Variants in WASF2 observed in about 807,000 individuals in gnomAD.
The protein encoded by WASF2 is WASP family member 2, also known as actin-binding protein WASF2.
WASF2 carries 14 observed loss-of-function variants against 45.0 expected under a neutral mutation model. The observed-to-expected ratio is 0.31, with a 90% CI of 0.21 to 0.49. The LOEUF (loss-of-function observed/expected upper bound fraction) is 0.49, where lower values mean the gene tolerates loss of function less well. WASF2 is among the 20% of genes least tolerant of loss of function. The pLI is 0.99. For synonymous variants in WASF2, 200 were observed against 236.3 expected (o/e 0.85, Z 1.41); for missense variants, 439 against 636.1 (o/e 0.69, Z 3.33).
chr1:27,464,509 A>C (rs1191053347), intron 1 of WASF2, among the ~76,000 whole-genome samples: 1 of 152,132 alleles, frequency 6.6e-6, no homozygotes, highest in Non-Finnish European at 1.5e-5. Context: ...CCCAATTTTA[A>C]CTACCTAATT....
intron 1 of WASF2, among the ~76,000 whole-genome samples, chr1:27,447,873 C>G (rs1234621384): frequency 6.6e-6 from 1 of 152,166 alleles, no homozygotes; most frequent in East Asian, 1.9e-4. Context: ...TAGGCCAGCC[C>G]TTGAAAGTTA....
intron 1 of WASF2, among the ~76,000 whole-genome samples, chr1:27,487,513 ATAT>A (rs1461791136): frequency 6.3e-4 from 71 of 112,620 alleles, no homozygotes; most frequent in African/African-American, 2.3e-3. Context: ...AATATATGTT[ATAT>A]TATATATATT....
intron 1 of WASF2, among the ~76,000 whole-genome samples, chr1:27,450,790 C>T (rs1387416714): frequency 6.6e-6 from 1 of 151,948 alleles, no homozygotes; most frequent in Non-Finnish European, 1.5e-5. Context: ...TGAGCCATCG[C>T]ACCCAGCCTC....
At chr1:27,466,896 G>T (rs1010538314) in intron 1 of WASF2, among the ~76,000 whole-genome samples, 1 of 151,972 alleles carries the variant, frequency 6.6e-6, no homozygotes, top group Non-Finnish European at 1.5e-5. Context: ...TTGATTATAT[G>T]TCATTATATT....
chr1:27,477,927 A>G (rs369295465), intron 1 of WASF2, among the ~76,000 whole-genome samples: 1 of 149,582 alleles, frequency 6.7e-6, no homozygotes, highest in Non-Finnish European at 1.5e-5. Context: ...AATAAAAAAA[A>G]AAATAAAAAT....
intron 1 of WASF2, among the ~76,000 whole-genome samples, chr1:27,454,188 T>TATATA (rs1491526938): frequency 8.3e-5 from 1 of 12,040 alleles, no homozygotes; most frequent in African/African-American, 2.3e-4. Context: ...TATATATATA[T>TATATA]TTTTTTTTTT....
rs2016661227 is a variant in WASF2 at position 27,405,653 on chromosome 1, C to G, written c.*2536G>C. The G allele has an allele frequency of 7.4e-6, 1 of 134,998 alleles. No individual in the cohort carries two copies. Among genetic ancestry groups the G allele is most frequent in the Admixed American group, 7.5e-5 (1 of 13,258 alleles). 8.4% of individuals were successfully genotyped at this position (134,998 alleles called of 1,614,324 possible). On this transcript the variant is annotated 3_prime_UTR_variant, in exon 9 of 9. Coordinates refer to ENST00000618852, the MANE Select transcript of WASF2 (RefSeq NM_006990.5). ...TTTTGGTGCATATGCATAAGTGGAG[C>G]CCAGAGGGCCTCTCGGCTCACTGGG...
intron 1 of WASF2, among the ~76,000 whole-genome samples, chr1:27,443,067 G>A (rs1183075353): frequency 6.6e-6 from 1 of 151,314 alleles, no homozygotes; most frequent in East Asian, 1.9e-4. Context: ...TAGAGGCCGA[G>A]ATGGGGGGAT....
At chr1:27,433,883 G>C (rs779783657) in intron 1 of WASF2, among the ~76,000 whole-genome samples, 3 of 152,230 alleles carry the variant, frequency 2.0e-5, no homozygotes, top group Non-Finnish European at 4.4e-5. Context: ...TGAAGTGGTG[G>C]TTCTTGGTCA....
At chr1:27,465,779 A>C (rs771160168) in intron 1 of WASF2, among the ~76,000 whole-genome samples, 35 of 152,328 alleles carry the variant, frequency 2.3e-4, no homozygotes, top group Non-Finnish European at 3.7e-4. Flanking sequence ...GAGGGAGCTA[A>C]TAATGTGGTC....
intron 8 of WASF2, among the ~76,000 whole-genome samples, chr1:27,408,674 G>A (rs1027089120): frequency 1.1e-4 from 16 of 152,056 alleles, no homozygotes; most frequent in Non-Finnish European, 2.4e-4. Context: ...CAATTATAAT[G>A]GGGCTCAGCT....
chr1:27,472,876 G>A (rs2017710417), intron 1 of WASF2, among the ~76,000 whole-genome samples: 1 of 150,178 alleles, frequency 6.7e-6, no homozygotes, highest in Non-Finnish European at 1.5e-5. Flanking sequence ...GGAGGCTGAG[G>A]TGGGAGGATC....
chr1:27,467,718 C>G (rs1033074267), intron 1 of WASF2, among the ~76,000 whole-genome samples: 1 of 151,406 alleles, frequency 6.6e-6, no homozygotes, highest in African/African-American at 2.4e-5. Context: ...GGAGACCAGC[C>G]TGGCTGACAC....
chr1:27,435,122 T>C (rs763244441), intron 1 of WASF2, among the ~76,000 whole-genome samples: 4 of 152,100 alleles, frequency 2.6e-5, no homozygotes, highest in Non-Finnish European at 5.9e-5. Flanking sequence ...AATTTTTGTA[T>C]TTTTAGTAGA....
rs1347788055 is a variant in WASF2 at position 27,410,961 on chromosome 1, C to T, written c.825-755G>A. 6.6e-6 allele frequency among the ~76,000 whole-genome samples: 1 copy of T among 152,174 alleles called. No individual in the cohort carries two copies. The highest frequency in any genetic ancestry group is 1.9e-4 in the East Asian group (1 of 5,206). On this transcript the variant is annotated intron_variant, in intron 7 of 8. Transcript: ENST00000618852. This position sits in a 1 kb window ranked among gnomAD's most constrained non-coding sequence, Gnocchi z 4.2. ...TGTGAAGCTGAAGGTTTTCTTTTTCCACCTTTGTATCTACCCTGCACTAAC... is the reference window on the plus strand; with the variant it reads ...TGTGAAGCTGAAGGTTTTCTTTTTCTACCTTTGTATCTACCCTGCACTAAC...
At chr1:27,409,452 A>AAAAAAG (rs1557594400) in intron 8 of WASF2, among the ~76,000 whole-genome samples, 1 of 146,358 alleles carries the variant, frequency 6.8e-6, no homozygotes, top group African/African-American at 2.7e-5. Context: ...AAAAAAAAAA[A>AAAAAAG]AAAAGAAAAG....
At chr1:27,418,468 G>T in intron 3 of WASF2, 46 bp from the exon 4 acceptor site, 1 of 1,613,306 alleles carries the variant, frequency 6.2e-7, no homozygotes, top group South Asian at 1.1e-5. Flanking sequence ...CAGGCTATTT[G>T]AGCAAACACT....
At position 27,414,823 on chromosome 1, in the gene WASF2, C is replaced by T; in HGVS notation, c.668+10G>A. 6.2e-7 allele frequency: 1 copy of T among 1,614,126 alleles called. No homozygotes were observed. The highest frequency in any genetic ancestry group is 8.5e-7 in the Non-Finnish European group (1 of 1,180,012). ...AAGAATGCTACCAACAGTACAAAGG[C>T]ATTACCTACCCAGAAGTCCCCAGCT... On this transcript the variant is annotated intron_variant, in intron 6 of 8. Coordinates refer to ENST00000618852, the MANE Select transcript of WASF2 (RefSeq NM_006990.5). The surrounding 1 kb of genome is among the most constrained non-coding windows in gnomAD (Gnocchi z 4.1).
rs376836765 is a variant in WASF2 at position 27,476,108 on chromosome 1, C to T, written c.-44+13878G>A. ...TAATAACCCAATACTAGGCATTATC[C>T]TATTGTTGAATGTTTAATATAGCAA... On this transcript the variant is annotated intron_variant, in intron 1 of 8. Transcript: ENST00000618852. 2.0e-4 allele frequency among the ~76,000 whole-genome samples: 31 copies of T among 152,302 alleles called. 1 individual carries two copies. The South Asian group carries it at 6.0e-3, about 30-fold the overall frequency.
Sources: allele counts gnomAD v4.1 joint callset (sites outside exome capture counted in the v4.1 genomes callset), GRCh38; gene constraint gnomAD v4.1.1; non-coding constraint Gnocchi (gnomAD v3.1); transcripts MANE v1.5; gene names NCBI Gene and HGNC (gene_info 2026-07-23, HGNC 2026-07-21).